The following FGF12 variants were observed in gnomAD, a reference collection of about 807,000 sequenced individuals.
The protein encoded by FGF12 is fibroblast growth factor 12B.
A neutral mutation model predicts 23.6 loss-of-function variants in FGF12; 14 were observed. The observed-to-expected ratio is 0.59, with a 90% CI of 0.39 to 0.93. The LOEUF (loss-of-function observed/expected upper bound fraction) is 0.93. Ranked by LOEUF, FGF12 falls within the 40% of genes least tolerant of loss-of-function variation. The pLI is 0.00. For synonymous variants in FGF12, 62 were observed against 77.3 expected, an observed-to-expected ratio of 0.80 and a Z score of 1.04; for missense variants, 175 against 217.8, an observed-to-expected ratio of 0.80 and a Z score of 1.24.
At chr3:192,170,898 T>TA (rs1337517706) in intron 4 of FGF12, among the ~76,000 whole-genome samples, 1 of 152,204 alleles carries the variant, frequency 6.6e-6, no homozygotes, top group Non-Finnish European at 1.5e-5. Flanking sequence ...GAAGCTACGT[T>TA]AAAATCATTC....
intron 2 of FGF12, among the ~76,000 whole-genome samples, chr3:192,411,273 G>A (rs1197405920): frequency 6.6e-6 from 1 of 152,180 alleles, no homozygotes; most frequent in Non-Finnish European, 1.5e-5. Context: ...CGGGGGCCTG[G>A]ACCTTCCAGG....
At chr3:192,446,096 G>T (rs1006483268) in intron 2 of FGF12, among the ~76,000 whole-genome samples, 16 of 152,206 alleles carry the variant, frequency 1.1e-4, no homozygotes, top group Admixed American at 3.3e-4. Context: ...AGACATGGGA[G>T]ACATCTGTCT....
chr3:192,441,678 TC>T (rs1432484487), intron 2 of FGF12, among the ~76,000 whole-genome samples: 2 of 152,228 alleles, frequency 1.3e-5, no homozygotes, highest in African/African-American at 4.8e-5. Context: ...TGGATTATTT[TC>T]TTCTTGTCCA....
intron 2 of FGF12, among the ~76,000 whole-genome samples, chr3:192,452,929 T>G (rs988205621): frequency 2.6e-5 from 4 of 152,244 alleles, no homozygotes; most frequent in Middle Eastern, 3.2e-3. Flanking sequence ...ATGCATATTT[T>G]TTATTAACCT....
chr3:192,601,606 AG>A (rs1156293287), intron 2 of FGF12, among the ~76,000 whole-genome samples: 3 of 152,080 alleles, frequency 2.0e-5, no homozygotes, highest in Non-Finnish European at 2.9e-5. Context: ...ACTGGTTGCT[AG>A]GGGTTAGTGA....
chr3:192,184,242 T>C (rs1716334537), intron 4 of FGF12, among the ~76,000 whole-genome samples: 2 of 152,148 alleles, frequency 1.3e-5, no homozygotes, highest in Non-Finnish European at 2.9e-5. Context: ...TAAAATAGGC[T>C]TTTACTTTTA....
intron 2 of FGF12, among the ~76,000 whole-genome samples, chr3:192,401,110 T>C (rs559208762): frequency 6.6e-6 from 1 of 152,224 alleles, no homozygotes; most frequent in Admixed American, 6.5e-5. Context: ...TGTGTTAACA[T>C]AAATAGCATG....
chr3:192,686,581 TA>T (rs1454508834), intron 2 of FGF12, among the ~76,000 whole-genome samples: 2 of 152,060 alleles, frequency 1.3e-5, no homozygotes, highest in East Asian at 3.9e-4. Context: ...GTGGGTTACT[TA>T]AGGTAGTATT....
chr3:192,706,735 A>G (rs1317842836), intron 2 of FGF12, among the ~76,000 whole-genome samples: 1 of 152,224 alleles, frequency 6.6e-6, no homozygotes, highest in Non-Finnish European at 1.5e-5. Context: ...GTCCAAGGTC[A>G]CAGAGCTAAA....
intron 2 of FGF12, among the ~76,000 whole-genome samples, chr3:192,636,834 C>A (rs1715601154): frequency 1.3e-5 from 2 of 152,052 alleles, no homozygotes. Context: ...AAATTAAAAG[C>A]AGAAATGGAA....
chr3:192,369,560 G>A (rs552117724), intron 2 of FGF12, among the ~76,000 whole-genome samples: 1 of 152,328 alleles, frequency 6.6e-6, no homozygotes, highest in Admixed American at 6.5e-5. Context: ...ATGAGACGGA[G>A]GGCAGGAAAA....
intron 2 of FGF12, among the ~76,000 whole-genome samples, chr3:192,420,795 T>A (rs73064268): frequency 0.073 from 11,102 of 152,160 alleles, 1,234 homozygotes; most frequent in African/African-American, 0.24. Flanking sequence ...TTTAGCAACA[T>A]CAAATGGGCT....
In FGF12 at chr3:192,383,841, G is replaced by A. The variant is rs116347394; in HGVS notation, c.14-23303C>T. On this transcript the variant is annotated intron_variant, in intron 2 of 5. Coordinates refer to ENST00000445105, the MANE Select transcript of FGF12 (RefSeq NM_004113.6). Reference sequence around the variant, plus strand: ...CAGTTGGAGGCACCAAGTGGAAGTCGGATTTACAGGTTTAGAACTCAGGAG... The same window carrying A: ...CAGTTGGAGGCACCAAGTGGAAGTCAGATTTACAGGTTTAGAACTCAGGAG... Among the ~76,000 whole-genome samples the A allele has an allele frequency of 8.4e-3, 1,280 of 152,210 alleles. 13 individuals are homozygous for A. The highest frequency in any genetic ancestry group is 0.012 in the Non-Finnish European group (809 of 68,014).
chr3:192,525,190 T>A (rs1724911907), intron 2 of FGF12, among the ~76,000 whole-genome samples: 1 of 152,188 alleles, frequency 6.6e-6, no homozygotes, highest in Non-Finnish European at 1.5e-5. Flanking sequence ...TATTGATAAC[T>A]CCTGGATCTG....
intron 2 of FGF12, among the ~76,000 whole-genome samples, chr3:192,536,704 G>A (rs556294538): frequency 6.6e-6 from 1 of 151,804 alleles, no homozygotes; most frequent in African/African-American, 2.4e-5. Flanking sequence ...TATTTATGGG[G>A]TACATAAGAT....
rs76994731 is a variant in FGF12, at chr3:192,645,663, G to A, written c.13+81518C>T. On this transcript the variant is annotated intron_variant, in intron 2 of 5. Transcript: ENST00000445105. The stretch of plus-strand genomic sequence containing the variant: ...CAAGTAGGCAGTCATCAGAGTACAG[G>A]TGGTAATTAAAGTCAAATGTTTGTT... 2.1e-4 allele frequency among the ~76,000 whole-genome samples: 32 copies of A among 151,750 alleles called. 1 individual carries two copies. The East Asian group carries it at 6.0e-3, about 29-fold the overall frequency.
intron 4 of FGF12, among the ~76,000 whole-genome samples, chr3:192,230,853 C>A (rs941208243): frequency 5.9e-5 from 9 of 151,844 alleles, no homozygotes; most frequent in Admixed American, 1.3e-4. Context: ...TTGTGATCTC[C>A]CAGGTTGTGG....
At position 192,399,818 on chromosome 3, in the gene FGF12, T is replaced by C. The variant is rs544484255; in HGVS notation, c.14-39280A>G. Among the ~76,000 whole-genome samples, 5 of 152,336 alleles carry C rather than the reference T, an allele frequency of 3.3e-5. No homozygotes were observed. In the East Asian group the frequency reaches 9.7e-4, roughly 29 times the overall value. On this transcript the variant is annotated intron_variant, in intron 2 of 5. Coordinates refer to ENST00000445105, the MANE Select transcript of FGF12 (RefSeq NM_004113.6). ...AGATCCTATTTGACCCATGTCATTC[T>C]TTACTTCTAGGGAACCAAGTTTGGT...
At chr3:192,535,021 C>T (rs1197873977) in intron 2 of FGF12, among the ~76,000 whole-genome samples, 1 of 150,798 alleles carries the variant, frequency 6.6e-6, no homozygotes, top group Non-Finnish European at 1.5e-5. Flanking sequence ...AAGTGGTATT[C>T]CTGACTCCTT....
Sources: gnomAD v4.1 joint callset for allele counts (sites outside exome capture counted in the v4.1 genomes callset) on GRCh38, gnomAD v4.1.1 for gene constraint, MANE v1.5 for transcripts, NCBI Gene and HGNC (gene_info 2026-07-23, HGNC 2026-07-21) for gene names.